GLOD4: variants seen among roughly 807,000 people sequenced by gnomAD.
GLOD4 encodes glyoxalase domain containing 4, also known as glyoxalase domain-containing protein 4.
Under a neutral mutation model 39.1 loss-of-function variants are expected in GLOD4, and 44 were observed. That is an observed-to-expected ratio of 1.13 (90% CI 0.88 to 1.45). The LOEUF is 1.45. Among genes scored for constraint, GLOD4 ranks in the 40% most tolerant of loss-of-function variants. The pLI, the probability that GLOD4 is intolerant of heterozygous loss-of-function variation, is 0.00. For missense variants in GLOD4, 405 were observed against 366.4 expected, an observed-to-expected ratio of 1.11 and a Z score of -0.86; for synonymous variants, 145 against 135.0, an observed-to-expected ratio of 1.07 and a Z score of -0.52.
rs142803071 is a variant in GLOD4 at position 770,494 on chromosome 17, A to T, written c.557T>A (p.Leu186Gln). 1 of 1,556,658 alleles carries T rather than the reference A, an allele frequency of 6.4e-7. No homozygotes were observed. Among genetic ancestry groups the T allele is most frequent in the Non-Finnish European group, 8.9e-7 (1 of 1,127,514 alleles). Residue 186 changes from leucine to glutamine, a missense_variant, in exon 6 of 9, where the codon CTA becomes CAA. By Grantham distance (113) the Leu-to-Gln change is moderately radical. Coordinates refer to ENST00000301329, the MANE Select transcript of GLOD4 (RefSeq NM_016080.4). ...GTCCACCCCACCCTTGACGCCCTGT[A>T]GCTCCAGCTTACACTGAAATAGGAA... Reference protein sequence around the residue: ...GYADNQCKLELQGVKGGVDHA... With the variant: ...GYADNQCKLEQQGVKGGVDHA...
chr17:770,043 C>T lies in GLOD4; in HGVS notation c.744+1G>A. The T allele has an allele frequency of 6.3e-7, 1 of 1,599,134 alleles. No homozygotes were observed. Among genetic ancestry groups the T allele is most frequent in the Non-Finnish European group, 8.6e-7 (1 of 1,166,362 alleles). On this transcript the variant is annotated splice_donor_variant, in intron 7 of 8. Transcript: ENST00000301329. LOFTEE classifies it high-confidence loss of function. ...CTGCCCCCTGCCTGAGAAATACTTA[C>T]AGGGTCGGCCAGAATGACCACCTGT...
intron 8 of GLOD4, among the ~76,000 whole-genome samples, chr17:765,689 C>T (rs187809105): frequency 1.3e-5 from 2 of 151,504 alleles, no homozygotes; most frequent in Admixed American, 1.3e-4. Flanking sequence ...TGTGATCCGC[C>T]CGCCTCGGCC....
rs1297799292 is a variant in GLOD4, at chr17:782,227, AC to A, written c.28del (p.Val10TyrfsTer20). On this transcript the variant is annotated frameshift_variant, in exon 1 of 9. Coordinates refer to ENST00000301329, the MANE Select transcript of GLOD4 (RefSeq NM_016080.4). LOFTEE classifies it high-confidence loss of function. ...CTGGAAGCGGTTTCCCACTTTGAATACGAAGTGCAGAGCTCTGCGAGCAGCC... is the reference window on the plus strand; with the variant it reads ...CTGGAAGCGGTTTCCCACTTTGAATAGAAGTGCAGAGCTCTGCGAGCAGCC... MAARRALHFVFKVGNRFQTA... is the reference protein window; with the variant it reads MAARRALHFXFKVGNRFQTA... 6.2e-7 allele frequency: 1 copy of A among 1,613,456 alleles called. No individual in the cohort carries two copies. Among genetic ancestry groups the A allele is most frequent in the African/African-American group, 1.3e-5 (1 of 75,018 alleles).
At chr17:774,639 G>A (rs1908577387) in intron 4 of GLOD4, among the ~76,000 whole-genome samples, 1 of 152,156 alleles carries the variant, frequency 6.6e-6, no homozygotes, top group Non-Finnish European at 1.5e-5. Flanking sequence ...GGCTCCAGAG[G>A]AGGCATGGCT....
chr17:782,418 C>T (rs1910152963), upstream of GLOD4: 1 of 1,613,826 alleles, frequency 6.2e-7, no homozygotes. Context: ...TGTCGTGCGA[C>T]CGTTGCTGCA....
In GLOD4 at chr17:770,105, G is replaced by A. The variant is rs1176536310; in HGVS notation, c.683C>T (p.Pro228Leu). The part of the protein sequence containing the change: ...MKRENQKILT[P>L]LVSLDTPGKA... ...CCCTGGGGTGTCCAGGCTCACCAGG[G>A]GAGTCAGAATCTTCTGGTTCTCCCT... Residue 228 changes from proline (P) to leucine (L), a missense_variant, in exon 7 of 9, where the codon CCC (proline) becomes CTC (leucine). Transcript: ENST00000301329. The A allele has an allele frequency of 6.2e-7, 1 of 1,613,130 alleles. No homozygotes were observed. Among genetic ancestry groups the A allele is most frequent in the Non-Finnish European group, 8.5e-7 (1 of 1,179,194 alleles).
At chr17:776,311 C>T (rs1216135474) in intron 3 of GLOD4, among the ~76,000 whole-genome samples, 2 of 152,208 alleles carry the variant, frequency 1.3e-5, no homozygotes, top group African/African-American at 2.4e-5. Context: ...GGTTTCCTTA[C>T]ATTTAATCAA....
intron 3 of GLOD4, 85 bp downstream of exon 3, chr17:776,783 C>A: frequency 1.0e-6 from 1 of 997,512 alleles, no homozygotes; most frequent in Admixed American, 1.7e-5. Flanking sequence ...TCTCTTCACT[C>A]ACACACACCC....
chr17:783,362 TGTC>T (rs1330381745), upstream of GLOD4: 2 of 1,546,312 alleles, frequency 1.3e-6, no homozygotes, highest in African/African-American at 1.4e-5. Context: ...TTTTTTTTTT[TGTC>T]TTGTTCTGTC....
At chr17:767,516 C>T (rs532534057) in intron 8 of GLOD4, among the ~76,000 whole-genome samples, 11 of 145,984 alleles carry the variant, frequency 7.5e-5, no homozygotes, top group Non-Finnish European at 1.2e-4. Flanking sequence ...AGAAACAGCG[C>T]GCACTCAGAT....
At chr17:768,383 A>G (rs1277846152) in intron 8 of GLOD4, among the ~76,000 whole-genome samples, 2 of 149,704 alleles carry the variant, frequency 1.3e-5, no homozygotes, top group Non-Finnish European at 3.0e-5. Context: ...AAATCTGGAG[A>G]GGACGTAAGA....
chr17:782,112 C>T (rs1336610195), intron 1 of GLOD4, 54 bp downstream of exon 1: 2 of 1,388,902 alleles, frequency 1.4e-6, no homozygotes, highest in South Asian at 1.3e-5. Context: ...CCAGGGCCGG[C>T]TCGGGCGCCG....
chr17:776,185 C>A (rs916806753), intron 3 of GLOD4, among the ~76,000 whole-genome samples: 1 of 152,230 alleles, frequency 6.6e-6, no homozygotes, highest in East Asian at 1.9e-4. Flanking sequence ...TCTTCTAATT[C>A]TAAAGATCTA....
intron 8 of GLOD4, among the ~76,000 whole-genome samples, chr17:760,618 T>A (rs1905268109): frequency 6.6e-6 from 1 of 152,180 alleles, no homozygotes; most frequent in Non-Finnish European, 1.5e-5. Context: ...ACTCACAGCA[T>A]CTGGGCAGAC....
chr17:771,227 T>G, intron 5 of GLOD4, 98 bp downstream of exon 5: 1 of 704,144 alleles, frequency 1.4e-6, no homozygotes. Context: ...GGAACAACCT[T>G]CATGTTAACT....
At chr17:782,105 G>A (rs537003790) in intron 1 of GLOD4, 61 bp downstream of exon 1, 36 of 1,301,302 alleles carry the variant, frequency 2.8e-5, no homozygotes, top group Non-Finnish European at 3.9e-5. Context: ...CCCTCCGCCA[G>A]GGCCGGCTCG....
At chr17:770,196 C>A (rs758340343) in intron 6 of GLOD4, 39 bp from the exon 7 acceptor site, 2 of 1,112,632 alleles carry the variant, frequency 1.8e-6, no homozygotes, top group East Asian at 2.3e-5. Context: ...AGGGGTCACA[C>A]ACTACTCAGG....
At chr17:776,385 T>G (rs1175821601) in intron 3 of GLOD4, among the ~76,000 whole-genome samples, 3 of 152,230 alleles carry the variant, frequency 2.0e-5, no homozygotes, top group Admixed American at 1.3e-4. Context: ...CGGTTTATTA[T>G]AATGGCCTCT....
chr17:779,499 A>T (rs1203925233), intron 1 of GLOD4, among the ~76,000 whole-genome samples: 4 of 148,708 alleles, frequency 2.7e-5, no homozygotes, highest in African/African-American at 7.5e-5. Flanking sequence ...TTAGCCAGGC[A>T]TGGTGGTGGG....
Sources: allele counts gnomAD v4.1 joint callset (sites outside exome capture counted in the v4.1 genomes callset), GRCh38; gene constraint gnomAD v4.1.1; transcripts MANE v1.5; gene names NCBI Gene and HGNC (gene_info 2026-07-23, HGNC 2026-07-21).